Variants in CLSTN2 observed in about 807,000 individuals in gnomAD.
CLSTN2 encodes calsyntenin-2.
Under a neutral mutation model 101.2 loss-of-function variants are expected in CLSTN2, and 48 were observed. The observed-to-expected ratio is 0.47, with a 90% confidence interval of 0.38 to 0.60. The LOEUF is 0.60. Ranked by LOEUF, CLSTN2 falls within the 20% of genes least tolerant of loss-of-function variation. The probability of loss-of-function intolerance (pLI) is 0.00; values close to 1 mark genes in which losing one functional copy is unlikely to be tolerated. For synonymous variants in CLSTN2, 481 were observed against 463.6 expected (o/e 1.04, Z -0.48); for missense variants, 1,160 against 1,238.2 (o/e 0.94, Z 0.95).
intron 1 of CLSTN2, among the ~76,000 whole-genome samples, chr3:140,096,741 A>G (rs974984255): frequency 6.6e-6 from 1 of 152,208 alleles, no homozygotes; most frequent in South Asian, 2.1e-4. Flanking sequence ...CTCCTGATTC[A>G]GAGTTGATCT....
At chr3:140,520,948 T>C (rs190281958) in intron 8 of CLSTN2, among the ~76,000 whole-genome samples, 9 of 152,340 alleles carry the variant, frequency 5.9e-5, no homozygotes, top group Admixed American at 3.3e-4. Context: ...TATTCTGTTA[T>C]TGATACTCAT....
At position 139,950,929 on chromosome 3, in the gene CLSTN2, T is replaced by C. The variant is rs151248010; in HGVS notation, c.109+15446T>C. ...GATCTGTGTGTGTTGTATTGGTGAT[T>C]CAGATGTCATGGACATATTGTGGCG... On this transcript the variant is annotated intron_variant, in intron 1 of 16. Transcript: ENST00000458420. 2.6e-3 allele frequency among the ~76,000 whole-genome samples: 403 copies of C among 152,316 alleles called. 3 individuals carry two copies. The highest frequency in any genetic ancestry group is 9.0e-3 in the African/African-American group (375 of 41,566).
At chr3:140,555,172 G>C (rs1935770699) in intron 10 of CLSTN2, among the ~76,000 whole-genome samples, 1 of 152,190 alleles carries the variant, frequency 6.6e-6, no homozygotes, top group African/African-American at 2.4e-5. Context: ...CAGAGAGAAA[G>C]GGATGTGGCA....
intron 2 of CLSTN2, among the ~76,000 whole-genome samples, chr3:140,346,905 A>G (rs2087552603): frequency 6.6e-6 from 1 of 152,312 alleles, no homozygotes; most frequent in South Asian, 2.1e-4. Context: ...ACCTTACCTA[A>G]ACTAGTAGCA....
chr3:140,074,009 GAC>G (rs1360658619), intron 1 of CLSTN2, among the ~76,000 whole-genome samples: 3 of 152,140 alleles, frequency 2.0e-5, no homozygotes, highest in East Asian at 3.9e-4. Flanking sequence ...AGGAGGCCCA[GAC>G]ACAGGTGCTG....
intron 1 of CLSTN2, among the ~76,000 whole-genome samples, chr3:140,045,571 G>A (rs538366811): frequency 7.2e-5 from 11 of 152,224 alleles, no homozygotes; most frequent in African/African-American, 1.7e-4. Flanking sequence ...TTTTGAATGC[G>A]TTTGCTCTTG....
At chr3:140,507,710 TATAGAC>T (rs1340449160) in intron 8 of CLSTN2, 1 of 152,184 alleles carries the variant, frequency 6.6e-6, no homozygotes, top group Non-Finnish European at 1.5e-5. Flanking sequence ...TAGGATGTCT[TATAGAC>T]ATAATGTTAC....
At chr3:140,414,049 A>G (rs1475861673) in intron 4 of CLSTN2, among the ~76,000 whole-genome samples, 1 of 152,074 alleles carries the variant, frequency 6.6e-6, no homozygotes, top group Non-Finnish European at 1.5e-5. Flanking sequence ...TTCTATCCAG[A>G]TCAATTAAGG....
chr3:140,121,305 C>CGTGAAATGG (rs1313366008), intron 1 of CLSTN2, among the ~76,000 whole-genome samples: 2 of 152,094 alleles, frequency 1.3e-5, no homozygotes, highest in East Asian at 3.9e-4. Flanking sequence ...TTTCCTCTCA[C>CGTGAAATGG]GTGAAATGGG....
chr3:140,018,485 G>T (rs1260270744), intron 1 of CLSTN2, among the ~76,000 whole-genome samples: 2 of 152,198 alleles, frequency 1.3e-5, no homozygotes, highest in African/African-American at 4.8e-5. Context: ...ACTGCAGCCT[G>T]CTGCATAGGG....
chr3:140,067,549 T>G (rs1457547567), intron 1 of CLSTN2, among the ~76,000 whole-genome samples: 1 of 152,190 alleles, frequency 6.6e-6, no homozygotes, highest in African/African-American at 2.4e-5. Context: ...ATTATGCCCA[T>G]TTTAGAGAGG....
intron 5 of CLSTN2, among the ~76,000 whole-genome samples, chr3:140,436,800 A>G (rs2088692379): frequency 6.6e-6 from 1 of 152,194 alleles, no homozygotes; most frequent in Non-Finnish European, 1.5e-5. Context: ...GGAGGTTGGT[A>G]TTTAGGGCAA....
chr3:140,377,368 T>C (rs2087928359), intron 2 of CLSTN2, among the ~76,000 whole-genome samples: 1 of 152,238 alleles, frequency 6.6e-6, no homozygotes, highest in South Asian at 2.1e-4. Flanking sequence ...ATTCTACTTA[T>C]ATGTTAACTG....
At chr3:140,522,039 AC>A (rs1935040978) in intron 8 of CLSTN2, among the ~76,000 whole-genome samples, 1 of 152,156 alleles carries the variant, frequency 6.6e-6, no homozygotes, top group East Asian at 1.9e-4. Flanking sequence ...CAGACCCGAG[AC>A]CCTGGTGGCT....
intron 2 of CLSTN2, among the ~76,000 whole-genome samples, chr3:140,394,289 A>G (rs1054200925): frequency 5.3e-5 from 8 of 152,236 alleles, no homozygotes; most frequent in Non-Finnish European, 8.8e-5. Context: ...CAAATTTATC[A>G]AGATGATAAA....
At chr3:140,183,716 A>T (rs1024842977) in intron 2 of CLSTN2, among the ~76,000 whole-genome samples, 4 of 152,214 alleles carry the variant, frequency 2.6e-5, no homozygotes, top group Non-Finnish European at 5.9e-5. Flanking sequence ...CATTGTACTG[A>T]AAACAACTTG....
In CLSTN2 at chr3:140,432,658, A is replaced by G. The variant is rs74640903; in HGVS notation, c.787+11384A>G. ...TACAGGATGCTGATTTACCTACTCA[A>G]TGGTATCTTAATGTGCTTAAAGAGC... On this transcript the variant is annotated intron_variant, in intron 5 of 16. Coordinates refer to ENST00000458420, the MANE Select transcript of CLSTN2 (RefSeq NM_022131.3). Among the ~76,000 whole-genome samples the G allele has an allele frequency of 4.8e-3, 728 of 152,268 alleles. 4 individuals carry two copies. Among genetic ancestry groups the G allele is most frequent in the African/African-American group, 0.017 (687 of 41,550 alleles).
chr3:140,559,635 C>T (rs1935870458), intron 12 of CLSTN2, among the ~76,000 whole-genome samples: 2 of 152,130 alleles, frequency 1.3e-5, no homozygotes, highest in South Asian at 4.2e-4. Context: ...CCTTTTGTTA[C>T]TCCGAGGGAC....
Position 140,466,735 on chromosome 3 carries a change from T to C in CLSTN2, c.1344+4T>C, listed in dbSNP as rs1933714188. 1 of 1,613,748 alleles carries C rather than the reference T, an allele frequency of 6.2e-7. No homozygotes were observed. The highest frequency in any genetic ancestry group is 8.5e-7 in the Non-Finnish European group (1 of 1,179,996). ...GTTCCACTGGAAGCTGGATCAGGTATGGTGCTCACCTCACACCTGCTGCTA... is the reference window on the plus strand; with the variant it reads ...GTTCCACTGGAAGCTGGATCAGGTACGGTGCTCACCTCACACCTGCTGCTA... On this transcript the variant is annotated splice_donor_region_variant and intron_variant, in intron 8 of 16. Coordinates refer to ENST00000458420, the MANE Select transcript of CLSTN2 (RefSeq NM_022131.3).
Sources: gnomAD v4.1 joint callset for allele counts (sites outside exome capture counted in the v4.1 genomes callset) on GRCh38, gnomAD v4.1.1 for gene constraint, MANE v1.5 for transcripts, NCBI Gene and HGNC (gene_info 2026-07-23, HGNC 2026-07-21) for gene names.